ZDHHC11: variants seen among roughly 807,000 people sequenced by gnomAD.
The protein encoded by ZDHHC11 is palmitoyltransferase ZDHHC11.
In ZDHHC11, 44 loss-of-function variants were observed where a neutral mutation model predicts 51.3. That is an observed-to-expected ratio of 0.86 (90% CI 0.67 to 1.10). The LOEUF (loss-of-function observed/expected upper bound fraction) is 1.10, where lower values mean the gene tolerates loss of function less well. Ranked by LOEUF, ZDHHC11 falls within the 50% of genes least tolerant of loss-of-function variation. ZDHHC11 has a pLI of 0.00. For synonymous variants in ZDHHC11, 163 were observed against 222.0 expected (o/e 0.73, Z 2.36); for missense variants, 400 against 537.7 (o/e 0.74, Z 2.53).
chr5:804,898 C>G (rs1292111751), intron 11 of ZDHHC11, among the ~76,000 whole-genome samples: 2 of 151,104 alleles, frequency 1.3e-5, no homozygotes, highest in African/African-American at 4.9e-5. Flanking sequence ...GACAGTAACT[C>G]AAAACCATAC....
chr5:856,215 C>A (rs577707046), intron 1 of ZDHHC11, among the ~76,000 whole-genome samples: 2 of 150,756 alleles, frequency 1.3e-5, no homozygotes, highest in Non-Finnish European at 3.0e-5. Flanking sequence ...ACAACACAGA[C>A]CACACTGACC....
At chr5:802,705 G>A (rs1022540033) in intron 11 of ZDHHC11, among the ~76,000 whole-genome samples, 2 of 149,710 alleles carry the variant, frequency 1.3e-5, no homozygotes, top group South Asian at 2.1e-4. Context: ...TGGGTGCGGT[G>A]GCTCACACCT....
intron 10 of ZDHHC11, chr5:816,524 G>A: frequency 1.9e-6 from 1 of 534,924 alleles, no homozygotes; most frequent in South Asian, 1.5e-5. Context: ...AACTCTGGAT[G>A]ATTCTGCCAA....
rs1238393068 is a variant in ZDHHC11, at chr5:802,429, T to C, written c.1182-1265A>G. On this transcript the variant is annotated intron_variant, in intron 11 of 12. Transcript: ENST00000283441. ...AACATAAAGGCATGACAAAGTATGATAGGTGAAATGGTGGAGGATTGTGAG... is the reference window on the plus strand; with the variant it reads ...AACATAAAGGCATGACAAAGTATGACAGGTGAAATGGTGGAGGATTGTGAG... Among the ~76,000 whole-genome samples the C allele has an allele frequency of 3.3e-5, 5 of 151,236 alleles. 1 individual carries two copies. Among genetic ancestry groups the C allele is most frequent in the South Asian group, 4.2e-4 (2 of 4,792 alleles).
upstream of ZDHHC11, among the ~76,000 whole-genome samples, chr5:852,887 G>A (rs1307847556): frequency 6.7e-6 from 1 of 148,922 alleles, no homozygotes; most frequent in Non-Finnish European, 1.5e-5. Flanking sequence ...AGACCCCACG[G>A]AGGACAGTGA....
upstream of ZDHHC11, among the ~76,000 whole-genome samples, chr5:860,402 A>T (rs1748733404): frequency 6.6e-6 from 1 of 152,178 alleles, no homozygotes; most frequent in Admixed American, 6.5e-5. The surrounding 1 kb of genome is among the most constrained non-coding windows in gnomAD (Gnocchi z 4.2). Context: ...CAATGTCTGC[A>T]GTTAACGTCC....
upstream of ZDHHC11, among the ~76,000 whole-genome samples, chr5:851,163 T>G (rs568507245): frequency 6.6e-6 from 1 of 152,328 alleles, no homozygotes; most frequent in Admixed American, 6.5e-5. Flanking sequence ...GAGAGGCTTC[T>G]CTGAGCTTCC....
chr5:805,485 A>C (rs1739114497), intron 11 of ZDHHC11, among the ~76,000 whole-genome samples: 1 of 151,270 alleles, frequency 6.6e-6, no homozygotes. Context: ...TAAGACATTA[A>C]TTATTATCCC....
At chr5:841,184 C>T (rs1057294868) in intron 4 of ZDHHC11, 2 of 1,039,820 alleles carry the variant, frequency 1.9e-6, no homozygotes, top group Non-Finnish European at 2.3e-6. Context: ...GCCGGGGTCA[C>T]AGCACCCACC....
intron 4 of ZDHHC11, chr5:841,668 A>C: frequency 2.0e-6 from 2 of 991,290 alleles, no homozygotes; most frequent in Non-Finnish European, 2.4e-6. Context: ...AGAACAGGAA[A>C]GCCACAGCTC....
In ZDHHC11 at chr5:801,104, A is replaced by T; in HGVS notation, c.*3T>A. ...CCGCACTGCCACGTATCTTACCTGAATCTCAGTCTTCACTTTCAGCACTGT... is the reference window on the plus strand; with the variant it reads ...CCGCACTGCCACGTATCTTACCTGATTCTCAGTCTTCACTTTCAGCACTGT... On this transcript the variant is annotated 3_prime_UTR_variant, in exon 12 of 13. Coordinates refer to ENST00000283441, the MANE Select transcript of ZDHHC11 (RefSeq NM_024786.3). The T allele has an allele frequency of 6.2e-7, 1 of 1,609,828 alleles. No individual in the cohort carries two copies. The highest frequency in any genetic ancestry group is 8.5e-7 in the Non-Finnish European group (1 of 1,176,786).
intron 2 of ZDHHC11, among the ~76,000 whole-genome samples, chr5:847,951 T>C (rs1056692413): frequency 1.2e-4 from 18 of 151,752 alleles, no homozygotes; most frequent in Admixed American, 2.0e-4. Flanking sequence ...TTCCAGGAGT[T>C]GAGGCCGGGG....
Position 795,820 on chromosome 5 carries a change from G to C in ZDHHC11, c.*768C>G, listed in dbSNP as rs1487619385. ...CCCAGTACTATGCTCCCATTTCCCA[G>C]TACTGTGCTCCCATTTCCCAGTACT... On this transcript the variant is annotated 3_prime_UTR_variant, in exon 13 of 13. Transcript: ENST00000283441. The C allele has an allele frequency of 6.6e-6, 1 of 152,074 alleles. No individual in the cohort carries two copies. The highest frequency in any genetic ancestry group is 1.5e-5 in the Non-Finnish European group (1 of 67,594). The allele number at this position is 152,074 out of a possible 1,614,324, so 9.4% of individuals were successfully genotyped here. A position where few individuals can be genotyped will look rare whatever the true frequency, so the allele number is the denominator to read the frequency against.
chr5:837,423 G>C lies in ZDHHC11; in HGVS notation c.842C>G (p.Ser281Ter). The C allele has an allele frequency of 6.2e-7, 1 of 1,613,088 alleles. No homozygotes were observed. Among genetic ancestry groups the C allele is most frequent in the Non-Finnish European group, 8.5e-7 (1 of 1,179,300 alleles). ...ATCTTTCCTCACTGCTTGATGTTTT[G>C]AACTCTCTTCTTTGCGGTTATTAAT... ...YLINNRKEES[S>*]KHQAVRKDPY... The change falls in exon 6 of 13, where the codon TCA (serine) becomes TGA (stop). Residue 281 changes from serine to a stop codon, truncating the protein, a stop_gained. Transcript: ENST00000283441. LOFTEE classifies it high-confidence loss of function.
At chr5:852,441 T>C (rs753393575), upstream of ZDHHC11, among the ~76,000 whole-genome samples, 10 of 152,176 alleles carry the variant, frequency 6.6e-5, no homozygotes, top group African/African-American at 1.7e-4. Flanking sequence ...GAAAGGATGA[T>C]TGGAAAAAGT....
At chr5:807,112 C>T (rs1271565987) in intron 11 of ZDHHC11, among the ~76,000 whole-genome samples, 5 of 150,712 alleles carry the variant, frequency 3.3e-5, no homozygotes, top group Non-Finnish European at 7.4e-5. Context: ...AAGTGTGGTA[C>T]GGGGTGGAAC....
At chr5:818,217 G>A (rs528270524) in intron 10 of ZDHHC11, among the ~76,000 whole-genome samples, 4 of 151,290 alleles carry the variant, frequency 2.6e-5, no homozygotes, top group South Asian at 2.1e-4. Context: ...ATTGCACCCC[G>A]GCAGCAGGTG....
chr5:803,377 T>C (rs1266630457), intron 11 of ZDHHC11, among the ~76,000 whole-genome samples: 1 of 151,244 alleles, frequency 6.6e-6, no homozygotes, highest in Admixed American at 6.6e-5. Flanking sequence ...AGGAAATCTT[T>C]GATAGTTCAC....
chr5:824,526 G>A (rs1204737302), intron 8 of ZDHHC11, among the ~76,000 whole-genome samples: 1 of 151,488 alleles, frequency 6.6e-6, no homozygotes, highest in Non-Finnish European at 1.5e-5. Flanking sequence ...ACAGAAATAT[G>A]TGGCCCTAAA....
Sources: gnomAD v4.1 joint callset for allele counts (sites outside exome capture counted in the v4.1 genomes callset) on GRCh38, gnomAD v4.1.1 for gene constraint, Gnocchi (gnomAD v3.1) non-coding constraint, MANE v1.5 for transcripts, NCBI Gene and HGNC (gene_info 2026-07-23, HGNC 2026-07-21) for gene names.